TRIM16: variants seen among roughly 807,000 people sequenced by gnomAD.
The protein encoded by TRIM16 is tripartite motif-containing protein 16.
TRIM16 carries 33 observed loss-of-function variants against 50.4 expected under a neutral mutation model. The observed-to-expected ratio is 0.65, with a 90% CI of 0.50 to 0.88. The LOEUF is 0.88. Among genes scored for constraint, TRIM16 ranks in the 40% least tolerant of loss-of-function variants. The pLI, the probability that TRIM16 is intolerant of heterozygous loss-of-function variation, is 0.00. For synonymous variants in TRIM16, 229 were observed against 270.7 expected (o/e 0.85, Z 1.51); for missense variants, 581 against 686.8 (o/e 0.85, Z 1.72).
intron 6 of TRIM16, among the ~76,000 whole-genome samples, chr17:15,660,209 C>T (rs1218806657): frequency 6.6e-6 from 1 of 152,198 alleles, no homozygotes; most frequent in Non-Finnish European, 1.5e-5. Flanking sequence ...CTAGACCCCT[C>T]AACAAAGGAA....
Position 15,628,828 on chromosome 17 carries a change from C to G in TRIM16, c.1482G>C (p.Arg494Ser). The G allele has an allele frequency of 1.2e-6, 2 of 1,614,168 alleles. No individual in the cohort carries two copies. Among genetic ancestry groups the G allele is most frequent in the Non-Finnish European group, 1.7e-6 (2 of 1,180,002 alleles). Residue 494 changes from arginine to serine, a missense_variant, in exon 12 of 12, where the codon AGG becomes AGC. Transcript: ENST00000649191. ...ETPLKAGPFR[R>S]LGVYIDFPGG... ...CCGGGAAGTCGATATAGACCCCGAG[C>G]CTCCGGAAAGGGCCAGCTTTGAGTG...
At chr17:15,637,105 G>A (rs1986796770) in intron 8 of TRIM16, among the ~76,000 whole-genome samples, 2 of 133,492 alleles carry the variant, frequency 1.5e-5, no homozygotes, top group Middle Eastern at 3.9e-3. Context: ...CACCCCGTCC[G>A]GGAGGGAGGT....
chr17:15,663,928 T>A (rs2150930114), intron 6 of TRIM16, among the ~76,000 whole-genome samples: 1 of 152,348 alleles, frequency 6.6e-6, no homozygotes, highest in Admixed American at 6.5e-5. Context: ...GAGGGCACTG[T>A]GTTTGACTAA....
intron 10 of TRIM16, 125 bp downstream of exon 10, chr17:15,632,384 G>GA (rs557963240): frequency 0.012 from 14,547 of 1,230,402 alleles, no homozygotes; most frequent in South Asian, 0.016. Context: ...CACAGAAAAA[G>GA]AAAAAAAAAA....
chr17:15,630,821 A>T (rs1282034372), intron 11 of TRIM16, among the ~76,000 whole-genome samples: 1 of 150,380 alleles, frequency 6.6e-6, no homozygotes, highest in Non-Finnish European at 1.5e-5. Flanking sequence ...GTCTCAAAAA[A>T]TATACATACA....
In TRIM16 at chr17:15,628,736, T is replaced by C. The variant is rs1380366133; in HGVS notation, c.1574A>G (p.Lys525Arg). ...GGCAGCATAGACTGGTTCTGAAAAT[T>C]TGCAGGCAAACTTGTGAACCAGAGT... is the stretch of plus-strand genomic sequence containing the variant. ...TMTLVHKFAC[K>R]FSEPVYAAFW... Residue 525 changes from lysine (K) to arginine (R), a missense_variant, in exon 12 of 12, where the codon AAA (lysine) becomes AGA (arginine). Lys to Arg is a conservative substitution (Grantham distance 26, BLOSUM62 2). Transcript: ENST00000649191. 1.2e-6 allele frequency: 2 copies of C among 1,614,142 alleles called. No individual in the cohort carries two copies. Among genetic ancestry groups the C allele is most frequent in the Middle Eastern group, 1.6e-4 (1 of 6,062 alleles).
chr17:15,651,049 A>C, intron 7 of TRIM16, 42 bp downstream of exon 7: 1 of 1,569,410 alleles, frequency 6.4e-7, no homozygotes, highest in East Asian at 2.2e-5. Context: ...ACCATCCCCC[A>C]CCGCCCTCTC....
chr17:15,678,364 T>G (rs1406816347), intron 4 of TRIM16, among the ~76,000 whole-genome samples: 1 of 152,220 alleles, frequency 6.6e-6, no homozygotes, highest in African/African-American at 2.4e-5. Context: ...TAACTGTCCA[T>G]GAAAATATGC....
chr17:15,646,403 C>G (rs538222264), intron 7 of TRIM16, among the ~76,000 whole-genome samples: 24 of 140,110 alleles, frequency 1.7e-4, no homozygotes, highest in African/African-American at 6.9e-4. Context: ...ACTGTGGTGC[C>G]CATGAGCACA....
At position 15,680,346 on chromosome 17, in the gene TRIM16, C is replaced by T. The variant is rs190379267; in HGVS notation, c.-590+519G>A. On this transcript the variant is annotated intron_variant, in intron 4 of 11. Coordinates refer to ENST00000649191, the MANE Select transcript of TRIM16 (RefSeq NM_001348119.1). ...ATTGAGTAGGCCCTTAATAATAAGG[C>T]CCTATTTAATAATAATAAATCTGCT... is the stretch of plus-strand genomic sequence containing the variant. Among the ~76,000 whole-genome samples the T allele has an allele frequency of 5.1e-4, 52 of 101,758 alleles. 1 individual carries two copies. The highest frequency in any genetic ancestry group is 8.6e-4 in the Non-Finnish European group (45 of 52,088). 66.8% of individuals were successfully genotyped at this position (101,758 alleles called of 152,430 possible). A position where few individuals can be genotyped will look rare whatever the true frequency, so the allele number is the denominator to read the frequency against.
At chr17:15,650,579 A>AAGTACATAATCGGG (rs1567677694) in intron 7 of TRIM16, among the ~76,000 whole-genome samples, 3 of 152,190 alleles carry the variant, frequency 2.0e-5, no homozygotes, top group Admixed American at 6.5e-5. Context: ...TCAAGCTCTT[A>AAGTACATAATCGGG]GATTTCCTGT....
chr17:15,651,337 C>G lies in TRIM16; in HGVS notation c.273G>C (p.Lys91Asn). 1 of 1,614,254 alleles carries G rather than the reference C, an allele frequency of 6.2e-7. No homozygotes were observed. Among genetic ancestry groups the G allele is most frequent in the Non-Finnish European group, 8.5e-7 (1 of 1,180,050 alleles). ...AATTCACCATGCAGGTTAGACAGGA[C>G]TTCACTGCCTTCACTCTTCTGGTGT... ...LDDTRRVKAV[K>N]SCLTCMVNYC... Residue 91 changes from lysine to asparagine, a missense_variant, in exon 7 of 12, where the codon AAG becomes AAC. By Grantham distance (94) the Lys-to-Asn change is moderately conservative. Coordinates refer to ENST00000649191, the MANE Select transcript of TRIM16 (RefSeq NM_001348119.1).
chr17:15,678,475 C>T (rs1186675403), intron 4 of TRIM16, among the ~76,000 whole-genome samples: 7 of 152,248 alleles, frequency 4.6e-5, no homozygotes, highest in African/African-American at 1.7e-4. Context: ...GAGTGATGTG[C>T]GCCCTTTCCA....
At position 15,649,700 on chromosome 17, in the gene TRIM16, T is replaced by G. The variant is rs57110254; in HGVS notation, c.519+1391A>C. Among the ~76,000 whole-genome samples, 2,635 of 152,312 alleles carry G rather than the reference T, an allele frequency of 0.017. 134 individuals carry two copies. The East Asian group carries it at 0.19, about 11-fold the overall frequency. On this transcript the variant is annotated intron_variant, in intron 7 of 11. Coordinates refer to ENST00000649191, the MANE Select transcript of TRIM16 (RefSeq NM_001348119.1). ...AAAAAAGAGGATAATATTGTGATTTTTGTGTCCTTTCTTCATGTCCCTCCA... is the reference window on the plus strand; with the variant it reads ...AAAAAAGAGGATAATATTGTGATTTGTGTGTCCTTTCTTCATGTCCCTCCA...
At position 15,636,247 on chromosome 17, in the gene TRIM16, G is replaced by A. The variant is rs775280001; in HGVS notation, c.638C>T (p.Ala213Val). The A allele has an allele frequency of 9.9e-6, 16 of 1,608,574 alleles. No homozygotes were observed. The highest frequency in any genetic ancestry group is 3.3e-5 in the Admixed American group (2 of 59,886). The stretch of plus-strand genomic sequence containing the variant: ...TTCCCCAAACTGCATTTCAGCCACC[G>A]CTTTGACCTCTGACACCGACACCTG... The part of the protein sequence containing the change: ...SVLVSVSEVK[A>V]VAEMQFGELL... The change falls in exon 9 of 12, where the codon GCG becomes GTG. Residue 213 changes from alanine (A) to valine (V), a missense_variant. By Grantham distance (64) the Ala-to-Val change is moderately conservative. This residue lies in a region of TRIM16 where 450 missense variants were observed against 544.3 expected (regional missense o/e 0.83). Coordinates refer to ENST00000649191, the MANE Select transcript of TRIM16 (RefSeq NM_001348119.1).
chr17:15,649,356 G>A lies in TRIM16; in HGVS notation c.519+1735C>T, dbSNP rs555988922. Among the ~76,000 whole-genome samples, 10 of 152,078 alleles carry A rather than the reference G, an allele frequency of 6.6e-5. No individual in the cohort carries two copies. In the South Asian group the frequency reaches 1.2e-3, roughly 19 times the overall value. ...GGCTGGAGTGAAGTGGCACGATCTC[G>A]GCTCACTGCAACCTCCGCCTCCCAG... On this transcript the variant is annotated intron_variant, in intron 7 of 11. Transcript: ENST00000649191.
chr17:15,655,893 A>T (rs1336408984), intron 6 of TRIM16, among the ~76,000 whole-genome samples: 1 of 152,178 alleles, frequency 6.6e-6, no homozygotes, highest in African/African-American at 2.4e-5. Context: ...ACTTAACCTT[A>T]GTTTCCTTGT....
At chr17:15,667,532 C>CT (rs952338617) in intron 6 of TRIM16, among the ~76,000 whole-genome samples, 16 of 151,368 alleles carry the variant, frequency 1.1e-4, no homozygotes, top group South Asian at 8.4e-4. Context: ...GCAGAAGTAG[C>CT]TTTTTTTTTC....
intron 7 of TRIM16, among the ~76,000 whole-genome samples, chr17:15,649,245 G>A (rs1010595509): frequency 6.6e-6 from 1 of 152,108 alleles, no homozygotes; most frequent in Non-Finnish European, 1.5e-5. Context: ...GGATGGACTG[G>A]AGACCCTCCT....
Sources: gnomAD v4.1 joint callset for allele counts (sites outside exome capture counted in the v4.1 genomes callset) on GRCh38, gnomAD v4.1.1 for gene constraint, gnomAD v4.1.1 regional missense constraint, MANE v1.5 for transcripts, NCBI Gene and HGNC (gene_info 2026-07-23, HGNC 2026-07-21) for gene names.